The following NLRP5 variants were observed in gnomAD, a reference collection of about 807,000 sequenced individuals.
NLRP5 encodes the protein NLR family pyrin domain containing 5, also known as NACHT, LRR and PYD domains-containing protein 5.
In NLRP5, 93 loss-of-function variants were observed where a neutral mutation model predicts 113.1. That is an observed-to-expected ratio of 0.82 (90% confidence interval 0.70 to 0.98). The LOEUF (loss-of-function observed/expected upper bound fraction) is 0.98. Among genes scored for constraint, NLRP5 ranks in the 50% least tolerant of loss-of-function variants. The pLI, the probability that NLRP5 is intolerant of heterozygous loss-of-function variation, is 0.00. For synonymous variants in NLRP5, 751 were observed against 600.7 expected (o/e 1.25, Z -3.66); for missense variants, 1,808 against 1,514.3 (o/e 1.19, Z -3.22).
chr19:55,987,866 C>T, the NLRP5 span: 1 of 1,614,112 alleles, frequency 6.2e-7, no homozygotes, highest in East Asian at 2.2e-5. Context: ...TCCTCACCCA[C>T]CCGACTTCAC....
At chr19:56,034,984 G>A (rs1983259245) in intron 9 of NLRP5, among the ~76,000 whole-genome samples, 1 of 152,144 alleles carries the variant, frequency 6.6e-6, no homozygotes, top group South Asian at 2.1e-4. Flanking sequence ...AGTTGCTCAG[G>A]TTGGAGTGCA....
At chr19:56,007,076 C>T (rs1336039169) in intron 2 of NLRP5, among the ~76,000 whole-genome samples, 1 of 151,218 alleles carries the variant, frequency 6.6e-6, no homozygotes, top group Non-Finnish European at 1.5e-5. Context: ...ATAAAAATGT[C>T]TTATGGCTGG....
At chr19:56,052,251 G>GT (rs1983958143) in intron 12 of NLRP5, among the ~76,000 whole-genome samples, 1 of 111,414 alleles carries the variant, frequency 9.0e-6, no homozygotes, top group South Asian at 2.8e-4. Flanking sequence ...GTTTTGTTTT[G>GT]TTTTTGTTTT....
intron 3 of NLRP5, among the ~76,000 whole-genome samples, chr19:56,013,221 C>T (rs534050924): frequency 3.3e-5 from 5 of 152,172 alleles, no homozygotes; most frequent in East Asian, 3.9e-4. Flanking sequence ...GAGATGGAGT[C>T]GTGCTCTGTT....
At chr19:56,005,304 T>TATATTTATATATACACAC (rs1016539406) in intron 2 of NLRP5, among the ~76,000 whole-genome samples, 2 of 146,606 alleles carry the variant, frequency 1.4e-5, no homozygotes, top group Non-Finnish European at 3.0e-5. Flanking sequence ...TATACACATA[T>TATATTTATATATACACAC]ATATTTATAT....
intron 4 of NLRP5, among the ~76,000 whole-genome samples, chr19:56,016,955 T>A (rs989993943): frequency 6.6e-6 from 1 of 152,150 alleles, no homozygotes; most frequent in East Asian, 1.9e-4. Flanking sequence ...ATTACAGGCA[T>A]GCGCCACCAT....
chr19:56,007,055 A>T (rs991876485), intron 2 of NLRP5, among the ~76,000 whole-genome samples: 20 of 151,174 alleles, frequency 1.3e-4, no homozygotes, highest in Non-Finnish European at 2.8e-4. Context: ...AAAATTTTTT[A>T]AAAATTGTAT....
At chr19:56,010,373 C>T (rs961113670) in intron 3 of NLRP5, among the ~76,000 whole-genome samples, 4 of 152,124 alleles carry the variant, frequency 2.6e-5, no homozygotes, top group South Asian at 2.1e-4. Flanking sequence ...CAGAGACAGA[C>T]ACTCTACCCT....
At position 56,047,860 on chromosome 19, in the gene NLRP5, A is replaced by T. The variant is rs1211606915; in HGVS notation, c.2958-2558A>T. On this transcript the variant is annotated intron_variant, in intron 11 of 14. Transcript: ENST00000390649. ...GTATTACTGTGTTGCTATCTATCTC[A>T]TTTTTTAGGTCTATTAGCAATTGTT... Among the ~76,000 whole-genome samples the T allele has an allele frequency of 2.6e-5, 4 of 152,228 alleles. No homozygotes were observed. The South Asian group carries it at 8.3e-4, about 32-fold the overall frequency.
chr19:56,013,578 C>G (rs1055037020), intron 3 of NLRP5, among the ~76,000 whole-genome samples: 3 of 86,956 alleles, frequency 3.5e-5, no homozygotes, highest in African/African-American at 1.5e-4. Context: ...GTTCATTTAT[C>G]ACATGATGGA....
chr19:56,049,707 T>A (rs891022590), intron 11 of NLRP5, among the ~76,000 whole-genome samples: 3 of 152,150 alleles, frequency 2.0e-5, no homozygotes, highest in Non-Finnish European at 2.9e-5. Context: ...GATTTTTTTT[T>A]ATTGTTTTTA....
intron 13 of NLRP5, among the ~76,000 whole-genome samples, chr19:56,056,374 T>A (rs956765807): frequency 4.0e-5 from 6 of 151,682 alleles, no homozygotes; most frequent in Non-Finnish European, 8.8e-5. Flanking sequence ...TGTGCCAACA[T>A]AGGAAAACCC....
chr19:56,030,985 G>T (rs1440470788), intron 7 of NLRP5, among the ~76,000 whole-genome samples: 1 of 151,840 alleles, frequency 6.6e-6, no homozygotes, highest in Non-Finnish European at 1.5e-5. Context: ...GTGCCGGGAT[G>T]ACAGGCGTGA....
intron 2 of NLRP5, among the ~76,000 whole-genome samples, chr19:56,004,378 C>T (rs138984916): frequency 3.8e-4 from 58 of 152,256 alleles, no homozygotes; most frequent in Admixed American, 3.1e-3. Context: ...TGAGCTCTGG[C>T]GCTATCACGG....
At chr19:55,986,819 C>T in the NLRP5 span, among the ~76,000 whole-genome samples, 1 of 152,140 alleles carries the variant, frequency 6.6e-6, no homozygotes, top group African/African-American at 2.4e-5. Context: ...AGGTGTGAAG[C>T]TGGTGAGTAT....
At chr19:56,043,428 C>T (rs910454693) in intron 11 of NLRP5, among the ~76,000 whole-genome samples, 3 of 151,830 alleles carry the variant, frequency 2.0e-5, no homozygotes, top group Non-Finnish European at 4.4e-5. Flanking sequence ...ATGTCCTTAG[C>T]CCACTTTTTG....
intron 3 of NLRP5, among the ~76,000 whole-genome samples, chr19:56,012,353 T>C (rs1212228401): frequency 1.3e-5 from 2 of 151,984 alleles, no homozygotes; most frequent in African/African-American, 4.8e-5. Context: ...TTTCACCATG[T>C]TGGCCAGGCT....
intron 6 of NLRP5, among the ~76,000 whole-genome samples, chr19:56,024,380 T>TATATAACATATATAC (rs1169412811): frequency 7.1e-6 from 1 of 141,438 alleles, no homozygotes; most frequent in East Asian, 2.0e-4. Context: ...TATATGTGTA[T>TATATAACATATATAC]ATATAACATA....
chr19:56,005,393 A>G (rs1433930215), intron 2 of NLRP5, among the ~76,000 whole-genome samples: 1 of 139,956 alleles, frequency 7.1e-6, no homozygotes, highest in Non-Finnish European at 1.5e-5. Context: ...ATATACATAT[A>G]CACACACATA....
Sources: allele counts gnomAD v4.1 joint callset (sites outside exome capture counted in the v4.1 genomes callset), GRCh38; gene constraint gnomAD v4.1.1; transcripts MANE v1.5; gene names NCBI Gene and HGNC (gene_info 2026-07-23, HGNC 2026-07-21).